MICU2: variants seen among roughly 807,000 people sequenced by gnomAD.
The protein encoded by MICU2 is mitochondrial calcium uptake 2.
Under a neutral mutation model 60.4 loss-of-function variants are expected in MICU2, and 64 were observed. The observed-to-expected ratio is 1.06, with a 90% CI of 0.87 to 1.31. The LOEUF is 1.31. Ranked by LOEUF, MICU2 falls within the 50% of genes most tolerant of loss-of-function variation. The pLI, the probability that MICU2 is intolerant of heterozygous loss-of-function variation, is 0.00. For synonymous variants in MICU2, 201 were observed against 175.0 expected (o/e 1.15, Z -1.17); for missense variants, 569 against 531.0 (o/e 1.07, Z -0.70).
rs1351324125 is a variant in MICU2 at position 21,533,634 on chromosome 13, A to G, written c.466+5668T>C. 2.0e-5 allele frequency among the ~76,000 whole-genome samples: 3 copies of G among 152,032 alleles called. No individual in the cohort carries two copies. The East Asian group carries it at 5.8e-4, about 29-fold the overall frequency. The stretch of plus-strand genomic sequence containing the variant: ...CACTGCGCCCGGACAAGGCAGTGCA[A>G]TTTTTAAAAATTCTATTTGTGTTTA... On this transcript the variant is annotated intron_variant, in intron 4 of 11. Transcript: ENST00000382374.
chr13:21,524,113 T>TA (rs1250782611), intron 4 of MICU2, among the ~76,000 whole-genome samples: 1 of 152,142 alleles, frequency 6.6e-6, no homozygotes, highest in African/African-American at 2.4e-5. Context: ...CCTGATATGC[T>TA]AAAAAACAAT....
At chr13:21,558,361 G>A (rs1887760007) in intron 2 of MICU2, among the ~76,000 whole-genome samples, 2 of 152,074 alleles carry the variant, frequency 1.3e-5, no homozygotes. Context: ...TCCACTGTCA[G>A]TGTTTAATAT....
At position 21,604,059 on chromosome 13, in the gene MICU2, C is replaced by T; in HGVS notation, c.90G>A (p.Arg30=). ...RGLAVSRQAV[R]SPGPLAAAVA... is the part of the protein sequence containing the mutation. ...CTGCCGCTGCCAAGGGGCCGGGACT[C>T]CGCACAGCCTGTCGGCTGACAGCGA... The change falls in exon 1 of 12, where the codon CGG becomes CGA. Residue 30 remains arginine (R), a synonymous_variant. Coordinates refer to ENST00000382374, the MANE Select transcript of MICU2 (RefSeq NM_152726.3). 2 of 1,603,852 alleles carry T rather than the reference C, an allele frequency of 1.2e-6. No homozygotes were observed. The highest frequency in any genetic ancestry group is 1.3e-5 in the African/African-American group (1 of 74,486).
chr13:21,578,523 A>C (rs767063639), intron 1 of MICU2, among the ~76,000 whole-genome samples: 1 of 152,150 alleles, frequency 6.6e-6, no homozygotes, highest in Non-Finnish European at 1.5e-5. Context: ...TGCGAGGTTG[A>C]GACTGCAGTA....
intron 4 of MICU2, among the ~76,000 whole-genome samples, chr13:21,533,251 T>C (rs1006564210): frequency 6.6e-6 from 1 of 152,106 alleles, no homozygotes; most frequent in African/African-American, 2.4e-5. Context: ...CTAATTTTAA[T>C]AATTATCTTT....
At chr13:21,562,856 C>G (rs189305694) in intron 2 of MICU2, among the ~76,000 whole-genome samples, 1 of 152,270 alleles carries the variant, frequency 6.6e-6, no homozygotes, top group East Asian at 1.9e-4. Flanking sequence ...TTTCTTCATG[C>G]CAAGTTCCTG....
At chr13:21,532,664 A>C (rs1887030009) in intron 4 of MICU2, among the ~76,000 whole-genome samples, 1 of 152,240 alleles carries the variant, frequency 6.6e-6, no homozygotes, top group Non-Finnish European at 1.5e-5. Flanking sequence ...ATGGGGTCAT[A>C]GAAGCCAAAA....
intron 1 of MICU2, among the ~76,000 whole-genome samples, chr13:21,574,407 G>A (rs1888179027): frequency 6.6e-6 from 1 of 152,216 alleles, no homozygotes. Flanking sequence ...TTGTAATGCA[G>A]TAAAAAATGT....
At chr13:21,498,578 C>G (rs755032540) in intron 9 of MICU2, among the ~76,000 whole-genome samples, 3 of 151,904 alleles carry the variant, frequency 2.0e-5, no homozygotes, top group Non-Finnish European at 2.9e-5. Context: ...GGGGTTTCAC[C>G]ATATTGGTCA....
At chr13:21,568,627 A>C (rs1164444710) in intron 1 of MICU2, among the ~76,000 whole-genome samples, 1 of 152,090 alleles carries the variant, frequency 6.6e-6, no homozygotes, top group Non-Finnish European at 1.5e-5. Context: ...CCAAACCTCA[A>C]CCAACTAAAA....
chr13:21,583,317 A>C (rs929400075), intron 1 of MICU2, among the ~76,000 whole-genome samples: 1 of 152,226 alleles, frequency 6.6e-6, no homozygotes, highest in Non-Finnish European at 1.5e-5. Context: ...AATCACTGAT[A>C]AAAAGTGATC....
chr13:21,549,538 C>T (rs79654228), intron 2 of MICU2, among the ~76,000 whole-genome samples: 2,158 of 152,260 alleles, frequency 0.014, 26 homozygotes, highest in Non-Finnish European at 0.023. Flanking sequence ...CTAATTACAA[C>T]CCTTTCAGAG....
At chr13:21,593,643 T>C (rs1888634631) in intron 1 of MICU2, among the ~76,000 whole-genome samples, 1 of 142,376 alleles carries the variant, frequency 7.0e-6, no homozygotes, top group Admixed American at 7.1e-5. Context: ...GCTACAAGGC[T>C]ACAGTAACCA....
chr13:21,503,027 T>C lies in MICU2; in HGVS notation c.832A>G (p.Met278Val), dbSNP rs1886217130. Residue 278 changes from methionine (M) to valine (V), a missense_variant, in exon 9 of 12, where the codon ATG (methionine) becomes GTG (valine). Coordinates refer to ENST00000382374, the MANE Select transcript of MICU2 (RefSeq NM_152726.3). The stretch of plus-strand genomic sequence containing the variant: ...CACTCTGCAAAGTCTTCTTTTCTCA[T>C]GAAACTCAAACCTTTAGAAAACTGA... ...FLQFSKGLSFMRKEDFAEWLL... is the reference protein window; with the variant it reads ...FLQFSKGLSFVRKEDFAEWLL... 1.2e-6 allele frequency: 2 copies of C among 1,610,660 alleles called. No individual in the cohort carries two copies. The highest frequency in any genetic ancestry group is 1.7e-6 in the Non-Finnish European group (2 of 1,178,946).
chr13:21,566,120 G>C (rs922977278), intron 2 of MICU2, among the ~76,000 whole-genome samples: 1 of 152,098 alleles, frequency 6.6e-6, no homozygotes, highest in Non-Finnish European at 1.5e-5. Context: ...GCTGTCCCAT[G>C]TTCTCTCAGC....
chr13:21,549,425 TA>T (rs1277528729), intron 2 of MICU2, among the ~76,000 whole-genome samples: 1 of 152,144 alleles, frequency 6.6e-6, no homozygotes, highest in Non-Finnish European at 1.5e-5. Context: ...TTTTCAAATT[TA>T]AGATTCATTT....
chr13:21,523,992 T>C (rs1248520562), intron 4 of MICU2, among the ~76,000 whole-genome samples: 1 of 152,112 alleles, frequency 6.6e-6, no homozygotes, highest in African/African-American at 2.4e-5. Context: ...CTGGATGAAG[T>C]TGGGTTTGAA....
chr13:21,570,049 A>G (rs185820499), intron 1 of MICU2, among the ~76,000 whole-genome samples: 1 of 152,348 alleles, frequency 6.6e-6, no homozygotes, highest in Admixed American at 6.5e-5. Context: ...GAGAATAAAT[A>G]ACAACAGAAC....
At chr13:21,525,644 G>T (rs929263862) in intron 4 of MICU2, among the ~76,000 whole-genome samples, 1 of 151,320 alleles carries the variant, frequency 6.6e-6, no homozygotes, top group African/African-American at 2.4e-5. Context: ...ATCTCATTGC[G>T]GTTTTGATTT....
Sources: gnomAD v4.1 joint callset for allele counts (sites outside exome capture counted in the v4.1 genomes callset) on GRCh38, gnomAD v4.1.1 for gene constraint, MANE v1.5 for transcripts, NCBI Gene and HGNC (gene_info 2026-07-23, HGNC 2026-07-21) for gene names.